Variants in USP34 observed in about 807,000 individuals in gnomAD.
The protein encoded by USP34 is ubiquitin carboxyl-terminal hydrolase 34.
A neutral mutation model predicts 460.3 loss-of-function variants in USP34; 70 were observed. The ratio of observed to expected loss-of-function variants is 0.15; its 90% CI spans 0.13 to 0.19. USP34 has a LOEUF of 0.19. Ranked by LOEUF, USP34 falls within the 10% of genes least tolerant of loss-of-function variation. The probability of loss-of-function intolerance (pLI) is 1.00; values close to 1 mark genes in which losing one functional copy is unlikely to be tolerated. For missense variants in USP34, 3,985 were observed against 4,236.2 expected (o/e 0.94, Z 1.65); for synonymous variants, 1,647 against 1,405.3 (o/e 1.17, Z -3.85).
rs758217282 is a variant in USP34, at chr2:61,246,357, A to G, written c.6515T>C (p.Ile2172Thr). Residue 2172 changes from isoleucine to threonine, a missense_variant, in exon 50 of 80, where the codon ATA becomes ACA. By Grantham distance (89) the Ile-to-Thr change is moderately conservative. This residue lies in a region of USP34 where 70 missense variants were observed against 78.1 expected (regional missense o/e 0.90). Coordinates refer to ENST00000398571, the MANE Select transcript of USP34 (RefSeq NM_014709.4). ...GGHYYSFIRD[I>T]VNPHAYKNNK... is the part of the protein sequence containing the mutation. ...GTTTTTATAAGCATGGGGATTTACT[A>G]TATCTCTGATAAAGCTATAATAGTG... The G allele has an allele frequency of 1.0e-5, 16 of 1,595,854 alleles. No homozygotes were observed. Among genetic ancestry groups the G allele is most frequent in the Middle Eastern group, 3.3e-4 (2 of 5,998 alleles).
chr2:61,348,473 A>G lies in USP34; in HGVS notation c.1682T>C (p.Met561Thr), dbSNP rs1691839237. The change falls in exon 15 of 80, where the codon ATG (methionine) becomes ACG (threonine). Residue 561 changes from methionine to threonine, a missense_variant. Met to Thr is a moderately conservative substitution (Grantham distance 81). Around this residue, in one of 14 missense-constraint regions of USP34, gnomAD observed 716 missense variants for 626.2 expected, o/e 1.14. Coordinates refer to ENST00000398571, the MANE Select transcript of USP34 (RefSeq NM_014709.4). Reference sequence around the variant, plus strand: ...GGCAGTTTCGTCAGAACTTCCCTGCATGGATTCCTGTATTTTGAAACAAAT... The same window carrying G: ...GGCAGTTTCGTCAGAACTTCCCTGCGTGGATTCCTGTATTTTGAAACAAAT... ...QQRLSDTEES[M>T]QGSSDETANS... is the part of the protein sequence containing the mutation. 6.2e-7 allele frequency: 1 copy of G among 1,609,768 alleles called. No homozygotes were observed. The highest frequency in any genetic ancestry group is 8.5e-7 in the Non-Finnish European group (1 of 1,177,996).
intron 16 of USP34, among the ~76,000 whole-genome samples, chr2:61,342,594 G>A (rs1019728750): frequency 1.1e-4 from 16 of 151,994 alleles, no homozygotes; most frequent in African/African-American, 3.9e-4. Context: ...TTATAGGTGT[G>A]AGCCACCATG....
chr2:61,303,604 T>C (rs1167138173), intron 27 of USP34, among the ~76,000 whole-genome samples: 1 of 151,960 alleles, frequency 6.6e-6, no homozygotes, highest in Admixed American at 6.6e-5. Flanking sequence ...TATTAAACTT[T>C]TTTTTTTTTT....
At chr2:61,301,740 A>G (rs1232924045) in intron 27 of USP34, among the ~76,000 whole-genome samples, 1 of 152,120 alleles carries the variant, frequency 6.6e-6, no homozygotes, top group Non-Finnish European at 1.5e-5. Context: ...TATATTACCA[A>G]CTCAAGGACT....
Position 61,256,469 on chromosome 2 carries a change from C to G in USP34, c.6136G>C (p.Asp2046His), listed in dbSNP as rs1183884241. The change falls in exon 48 of 80, where the codon GAT becomes CAT. Residue 2046 changes from aspartate (D) to histidine (H), a missense_variant. Physicochemically the swap from Asp to His is moderately conservative, Grantham distance 81. Transcript: ENST00000398571. ...AAAGTGTCTTTTATAGTAACTTCAT[C>G]AAGAGATTCCTGTGTATAAAACCAC... ...ADMKNIYESLDEVTIKDTLEG... is the reference protein window; with the variant it reads ...ADMKNIYESLHEVTIKDTLEG... The G allele has an allele frequency of 6.2e-7, 1 of 1,601,150 alleles. No individual in the cohort carries two copies. The highest frequency in any genetic ancestry group is 8.5e-7 in the Non-Finnish European group (1 of 1,172,630).
intron 75 of USP34, 67 bp from the exon 76 acceptor site, chr2:61,193,047 G>T: frequency 7.9e-7 from 1 of 1,267,568 alleles, no homozygotes; most frequent in Non-Finnish European, 1.1e-6. Flanking sequence ...ACTCAACTCT[G>T]CAGGTACAAT....
intron 2 of USP34, among the ~76,000 whole-genome samples, chr2:61,412,800 A>T (rs1177707727): frequency 6.6e-6 from 1 of 151,378 alleles, no homozygotes; most frequent in Non-Finnish European, 1.5e-5. Context: ...GAGGTGGGAG[A>T]ATCACTTGAG....
chr2:61,446,113 C>CAAAAAA (rs35776849), intron 1 of USP34, among the ~76,000 whole-genome samples: 10 of 87,202 alleles, frequency 1.1e-4, no homozygotes, highest in East Asian at 6.3e-4. Context: ...GACTCTGTCT[C>CAAAAAA]AAAAAAAAAA....
chr2:61,216,762 A>G (rs896995921), intron 67 of USP34, among the ~76,000 whole-genome samples: 1 of 151,700 alleles, frequency 6.6e-6, no homozygotes, highest in Non-Finnish European at 1.5e-5. Flanking sequence ...TACTAAGAAT[A>G]CAAAAATTAG....
At position 61,284,890 on chromosome 2, in the gene USP34, T is replaced by C; in HGVS notation, c.4817A>G (p.Asp1606Gly). 2 of 1,609,730 alleles carry C rather than the reference T, an allele frequency of 1.2e-6. No homozygotes were observed. The highest frequency in any genetic ancestry group is 1.7e-6 in the Non-Finnish European group (2 of 1,178,176). The stretch of plus-strand genomic sequence containing the variant: ...AAATGCATACCTAGGAGCCAGATTA[T>C]CATACGTATAAGCAACAGACATAAG... Reference protein sequence around the residue: ...QRLMSVAYTYDNLAPRVLKAQ... With the variant: ...QRLMSVAYTYGNLAPRVLKAQ... The change falls in exon 35 of 80, where the codon GAT (aspartate) becomes GGT (glycine). Residue 1606 changes from aspartate (D) to glycine (G), a missense_variant. This residue lies in a region of USP34 where 1,114 missense variants were observed against 1,122.5 expected (regional missense o/e 0.99). Coordinates refer to ENST00000398571, the MANE Select transcript of USP34 (RefSeq NM_014709.4).
intron 22 of USP34, among the ~76,000 whole-genome samples, chr2:61,318,885 C>A (rs550047385): frequency 6.6e-6 from 1 of 152,258 alleles, no homozygotes; most frequent in South Asian, 2.1e-4. Context: ...TTCAAAAAAA[C>A]AAACACTAAG....
intron 10 of USP34, among the ~76,000 whole-genome samples, chr2:61,365,400 G>A (rs1486606327): frequency 1.3e-5 from 2 of 151,760 alleles, no homozygotes; most frequent in Non-Finnish European, 1.5e-5. Context: ...ACCCTCATGG[G>A]ATCAATGAAC....
At chr2:61,222,791 G>T (rs1317934415) in intron 64 of USP34, 128 bp from the exon 65 acceptor site, 4 of 848,846 alleles carry the variant, frequency 4.7e-6, no homozygotes, top group Non-Finnish European at 7.5e-6. Flanking sequence ...CCACTTCTCA[G>T]GCTCAAGCGA....
rs1287913970 is a variant in USP34 at position 61,288,872 on chromosome 2, C to T, written c.4554G>A (p.Gln1518=). 6 of 1,612,486 alleles carry T rather than the reference C, an allele frequency of 3.7e-6. No individual in the cohort carries two copies. Among genetic ancestry groups the T allele is most frequent in the Non-Finnish European group, 5.1e-6 (6 of 1,179,876 alleles). Residue 1518 remains glutamine (Q), a synonymous_variant, in exon 34 of 80, where the codon CAG becomes CAA. Transcript: ENST00000398571. The stretch of plus-strand genomic sequence containing the variant: ...TCAGCAAGCAAGCAAGACAGTCTAG[C>T]TGCCACTGTAAATGAGAAGAAATAG... ...PKEQESWTVW[Q]LDCLACLLKL... is the part of the protein sequence containing the mutation.
rs1572952354 is a variant in USP34 at position 61,343,735 on chromosome 2, A to G, written c.2500+80T>C. The G allele has an allele frequency of 1.8e-5, 26 of 1,439,906 alleles. No individual in the cohort carries two copies. In the South Asian group the frequency reaches 3.0e-4, roughly 17 times the overall value. The allele number at this position is 1,439,906 out of a possible 1,614,324, so 89.2% of individuals were successfully genotyped here. ...ACATTTAAGTACCATAACCTTAACT[A>G]TTGAGTCCTTTCAACAAAGTAAGAT... is the stretch of plus-strand genomic sequence containing the variant. On this transcript the variant is annotated intron_variant, in intron 16 of 79. Coordinates refer to ENST00000398571, the MANE Select transcript of USP34 (RefSeq NM_014709.4).
At chr2:61,419,999 T>C (rs1042341458) in intron 2 of USP34, among the ~76,000 whole-genome samples, 7 of 152,214 alleles carry the variant, frequency 4.6e-5, no homozygotes, top group African/African-American at 1.7e-4. Context: ...GATATTACCA[T>C]AGAGCAAATG....
At chr2:61,213,756 T>C (rs1222414417) in intron 68 of USP34, among the ~76,000 whole-genome samples, 2 of 152,244 alleles carry the variant, frequency 1.3e-5, no homozygotes, top group South Asian at 4.1e-4. Context: ...AACTGTACCA[T>C]GAAGCTGGCT....
chr2:61,385,903 G>A (rs1003679509), intron 5 of USP34, among the ~76,000 whole-genome samples: 1 of 150,640 alleles, frequency 6.6e-6, no homozygotes, highest in Non-Finnish European at 1.5e-5. Flanking sequence ...TGCTGAGACA[G>A]GAGAATCACT....
chr2:61,288,714 T>A lies in USP34; in HGVS notation c.4712A>T (p.Asp1571Val). ...TGGTATATGAAGACCCTTAGCATGA[T>A]CACCAGCAGCCTTCCTTGATTTGCC... ...WPGKSRKAAG[D>V]HAKGLHIPRL... Residue 1571 changes from aspartate (D) to valine (V), a missense_variant, in exon 34 of 80, where the codon GAT (aspartate) becomes GTT (valine). This residue lies in a region of USP34 where 1,114 missense variants were observed against 1,122.5 expected (regional missense o/e 0.99). Transcript: ENST00000398571. The A allele has an allele frequency of 2.5e-6, 4 of 1,614,072 alleles. No homozygotes were observed. Among genetic ancestry groups the A allele is most frequent in the Non-Finnish European group, 3.4e-6 (4 of 1,179,948 alleles).
Sources: allele counts gnomAD v4.1 joint callset (sites outside exome capture counted in the v4.1 genomes callset), GRCh38; gene constraint gnomAD v4.1.1; regional missense constraint gnomAD v4.1.1; transcripts MANE v1.5; gene names NCBI Gene and HGNC (gene_info 2026-07-23, HGNC 2026-07-21).